The following COL22A1 variants were observed in gnomAD, a reference collection of about 807,000 sequenced individuals.
COL22A1 encodes the protein collagen type XXII alpha 1 chain, also known as collagen alpha-1(XXII) chain.
COL22A1 carries 221 observed loss-of-function variants against 248.9 expected under a neutral mutation model. That is an observed-to-expected ratio of 0.89 (90% CI 0.80 to 0.99). COL22A1 has a LOEUF of 0.99. Among genes scored for constraint, COL22A1 ranks in the 50% least tolerant of loss-of-function variants. The pLI, the probability that COL22A1 is intolerant of heterozygous loss-of-function variation, is 0.00. For synonymous variants in COL22A1, 891 were observed against 793.4 expected, an observed-to-expected ratio of 1.12 and a Z score of -2.07; for missense variants, 2,240 against 2,179.0, an observed-to-expected ratio of 1.03 and a Z score of -0.56.
intron 45 of COL22A1, among the ~76,000 whole-genome samples, chr8:138,652,073 C>G (rs1428232089): frequency 6.6e-6 from 1 of 152,194 alleles, no homozygotes; most frequent in Non-Finnish European, 1.5e-5. Context: ...TGAGATCACC[C>G]CAATCTGCAG....
intron 18 of COL22A1, among the ~76,000 whole-genome samples, chr8:138,758,264 C>T (rs1478426729): frequency 6.6e-6 from 1 of 152,246 alleles, no homozygotes; most frequent in Non-Finnish European, 1.5e-5. Context: ...TGTGTCCCCA[C>T]TGACAGCTTG....
chr8:138,625,454 C>A (rs1301489513), intron 51 of COL22A1, among the ~76,000 whole-genome samples: 3 of 152,122 alleles, frequency 2.0e-5, no homozygotes, highest in Admixed American at 2.0e-4. Flanking sequence ...ACTCTCAGTG[C>A]AGAAGGCAGT....
intron 41 of COL22A1, among the ~76,000 whole-genome samples, chr8:138,664,209 G>GCGCGCGCGCGCGCACGCGCACA (rs1440442280): frequency 9.7e-6 from 1 of 103,158 alleles, no homozygotes; most frequent in African/African-American, 4.0e-5. Flanking sequence ...GCGCGCGCGC[G>GCGCGCGCGCGCGCACGCGCACA]CACACACACA....
intron 41 of COL22A1, among the ~76,000 whole-genome samples, chr8:138,671,329 A>G (rs144723479): frequency 0.016 from 2,450 of 152,328 alleles, 33 homozygotes; most frequent in Non-Finnish European, 0.023. Context: ...CAGACCATAC[A>G]TGGCACCGTG....
chr8:138,623,815 G>T, intron 51 of COL22A1, 30 bp from the exon 52 acceptor site: 1 of 1,598,026 alleles, frequency 6.3e-7, no homozygotes, highest in Non-Finnish European at 8.5e-7. Context: ...TGGTTATCAG[G>T]TCAAAGAAGA....
chr8:138,631,219 G>A (rs1820696449), intron 49 of COL22A1, among the ~76,000 whole-genome samples: 1 of 152,172 alleles, frequency 6.6e-6, no homozygotes, highest in African/African-American at 2.4e-5. Context: ...TTGTAGCAAT[G>A]TAAAAACATC....
chr8:138,736,339 G>C (rs560035478), intron 23 of COL22A1, among the ~76,000 whole-genome samples: 3 of 151,962 alleles, frequency 2.0e-5, no homozygotes, highest in African/African-American at 7.2e-5. Context: ...GCAAAGGCCC[G>C]GCAGAGAGCT....
At chr8:138,807,704 T>C (rs1817844375) in intron 10 of COL22A1, 64 bp downstream of exon 10, 3 of 1,490,214 alleles carry the variant, frequency 2.0e-6, no homozygotes, top group Admixed American at 3.6e-5. Flanking sequence ...TTTTGTCTTA[T>C]ATAGACAGCA....
intron 3 of COL22A1, among the ~76,000 whole-genome samples, chr8:138,859,577 A>G (rs1822297216): frequency 6.6e-6 from 1 of 152,166 alleles, no homozygotes; most frequent in South Asian, 2.1e-4. Context: ...AACCAGCCAC[A>G]AAACAGAGCT....
At position 138,833,612 on chromosome 8, in the gene COL22A1, T is replaced by C. The variant is rs543185959; in HGVS notation, c.734-462A>G. ...GGTAACAGTTTGGCAGCTTTTAATT[T>C]TCCTGATTTTTAAAGAGAGAAACAT... On this transcript the variant is annotated intron_variant, in intron 4 of 64. Coordinates refer to ENST00000303045, the MANE Select transcript of COL22A1 (RefSeq NM_152888.3). Among the ~76,000 whole-genome samples the C allele has an allele frequency of 4.6e-5, 7 of 152,342 alleles. No individual in the cohort carries two copies. In the South Asian group the frequency reaches 1.5e-3, roughly 32 times the overall value.
At chr8:138,601,297 G>A (rs1587642388) in intron 60 of COL22A1, among the ~76,000 whole-genome samples, 2 of 152,200 alleles carry the variant, frequency 1.3e-5, no homozygotes, top group Non-Finnish European at 2.9e-5. Flanking sequence ...AAGATCCAGG[G>A]GGGAGAATCC....
intron 52 of COL22A1, among the ~76,000 whole-genome samples, chr8:138,621,870 G>A (rs554929166): frequency 6.6e-6 from 1 of 152,322 alleles, no homozygotes; most frequent in East Asian, 1.9e-4. Context: ...TGCCCAGGCT[G>A]AATGTCATTT....
At chr8:138,852,497 G>T (rs1821718639) in intron 3 of COL22A1, among the ~76,000 whole-genome samples, 2 of 152,182 alleles carry the variant, frequency 1.3e-5, no homozygotes, top group African/African-American at 4.8e-5. Context: ...TGTCCTATGG[G>T]TGCTCAGCAA....
chr8:138,761,150 G>A (rs1833456987), intron 17 of COL22A1, among the ~76,000 whole-genome samples: 5 of 152,166 alleles, frequency 3.3e-5, no homozygotes, highest in Admixed American at 3.3e-4. Context: ...TCGCCGGCCA[G>A]CCCACACCAC....
intron 32 of COL22A1, among the ~76,000 whole-genome samples, chr8:138,696,909 G>T (rs1743603394): frequency 6.6e-6 from 1 of 152,176 alleles, no homozygotes; most frequent in African/African-American, 2.4e-5. Context: ...GTGGGGATTT[G>T]CAAGTCTTTT....
chr8:138,676,110 T>C (rs190194805), intron 41 of COL22A1, among the ~76,000 whole-genome samples: 1 of 152,134 alleles, frequency 6.6e-6, no homozygotes, highest in East Asian at 1.9e-4. Flanking sequence ...ATGTGAATTA[T>C]TCATTAGAAC....
chr8:138,787,258 A>T (rs1815615663), intron 12 of COL22A1, among the ~76,000 whole-genome samples: 1 of 152,096 alleles, frequency 6.6e-6, no homozygotes, highest in African/African-American at 2.4e-5. Context: ...ACAATAAAGC[A>T]CAGAAGAAAA....
intron 60 of COL22A1, among the ~76,000 whole-genome samples, chr8:138,599,303 C>T (rs4074721): frequency 0.071 from 10,831 of 151,796 alleles, 486 homozygotes; most frequent in South Asian, 0.19. Flanking sequence ...TGTGAAACCC[C>T]GTCTCTACTA....
intron 30 of COL22A1, 118 bp from the exon 31 acceptor site, chr8:138,703,465 GTGCAGGTAGGTGCACCC>G: frequency 1.2e-6 from 1 of 815,068 alleles, no homozygotes; most frequent in South Asian, 1.5e-5. Context: ...CTTCTGCAGG[GTGCAGGTAGGTGCACCC>G]TGCACCTACC....
Sources: gnomAD v4.1 joint callset for allele counts (sites outside exome capture counted in the v4.1 genomes callset) on GRCh38, gnomAD v4.1.1 for gene constraint, MANE v1.5 for transcripts, NCBI Gene and HGNC (gene_info 2026-07-23, HGNC 2026-07-21) for gene names.